NCOR1: variants seen among roughly 807,000 people sequenced by gnomAD.
NCOR1 encodes protein phosphatase 1, regulatory subunit 109.
NCOR1 carries 63 observed loss-of-function variants against 288.1 expected under a neutral mutation model. The ratio of observed to expected loss-of-function variants is 0.22; its 90% CI spans 0.18 to 0.27. The LOEUF is 0.27. NCOR1 is among the 10% of genes least tolerant of loss of function. The pLI is 1.00. For synonymous variants in NCOR1, 1,007 were observed against 1,065.9 expected (o/e 0.94, Z 1.08); for missense variants, 2,397 against 3,019.2 (o/e 0.79, Z 4.83).
intron 15 of NCOR1, among the ~76,000 whole-genome samples, chr17:16,122,864 T>C (rs1426598678): frequency 6.6e-6 from 1 of 152,194 alleles, no homozygotes; most frequent in Non-Finnish European, 1.5e-5. Flanking sequence ...CATGAATTCC[T>C]GTGCTAAAGC....
At chr17:16,172,022 T>C (rs1269474539) in intron 3 of NCOR1, 27 bp from the exon 4 acceptor site, 3 of 1,507,130 alleles carry the variant, frequency 2.0e-6, no homozygotes, top group South Asian at 1.3e-5. Context: ...AAATAAACAC[T>C]TGAAAATTTG....
intron 15 of NCOR1, among the ~76,000 whole-genome samples, chr17:16,124,998 A>G (rs1051030797): frequency 5.9e-5 from 9 of 152,258 alleles, no homozygotes; most frequent in Non-Finnish European, 1.2e-4. Context: ...AAGTTCATTA[A>G]GTCAAAAATT....
chr17:16,120,343 C>T (rs2072728514), intron 16 of NCOR1, among the ~76,000 whole-genome samples: 1 of 152,146 alleles, frequency 6.6e-6, no homozygotes. Context: ...AAGTTCCCCA[C>T]TTCATAATCA....
At chr17:16,197,986 T>C (rs891033062) in intron 1 of NCOR1, among the ~76,000 whole-genome samples, 15 of 152,116 alleles carry the variant, frequency 9.9e-5, no homozygotes, top group African/African-American at 3.6e-4. Flanking sequence ...TACACATACA[T>C]ACACTCACAC....
chr17:16,030,284 G>T lies in NCOR1; in HGVS notation c.*2012C>A. On this transcript the variant is annotated 3_prime_UTR_variant, in exon 46 of 46. Transcript: ENST00000268712. ...AATAGGCTGAGGATGAGAAGGGGTT[G>T]GTCTTGCTATCTTGGGTGGCAGAGG... 4.4e-6 allele frequency: 1 copy of T among 225,308 alleles called. No individual in the cohort carries two copies. The highest frequency in any genetic ancestry group is 8.8e-6 in the Non-Finnish European group (1 of 113,298). The allele number at this position is 225,308 out of a possible 1,614,324, so 14.0% of individuals were successfully genotyped here.
At chr17:16,095,736 G>T (rs1480863100) in intron 21 of NCOR1, among the ~76,000 whole-genome samples, 1 of 141,868 alleles carries the variant, frequency 7.0e-6, no homozygotes. Context: ...CAGCCGCCCC[G>T]TCTGGGAGGT....
chr17:16,095,797 G>A (rs1359536198), intron 21 of NCOR1, among the ~76,000 whole-genome samples: 1 of 151,424 alleles, frequency 6.6e-6, no homozygotes, highest in African/African-American at 2.4e-5. Flanking sequence ...GAGCCCCTCT[G>A]CCCGGCCACC....
At chr17:16,054,623 C>T (rs2059707891) in intron 40 of NCOR1, among the ~76,000 whole-genome samples, 1 of 152,084 alleles carries the variant, frequency 6.6e-6, no homozygotes, top group Admixed American at 6.6e-5. Context: ...CTCAATATCA[C>T]TGATCATTAG....
At position 16,030,161 on chromosome 17, in the gene NCOR1, ATGTT is replaced by A. The variant is rs1248632091; in HGVS notation, c.*2131_*2134del. The A allele has an allele frequency of 4.0e-5, 8 of 198,724 alleles. No individual in the cohort carries two copies. The highest frequency in any genetic ancestry group is 7.9e-5 in the East Asian group (1 of 12,632). The allele number at this position is 198,724 out of a possible 1,614,324, so 12.3% of individuals were successfully genotyped here. On this transcript the variant is annotated 3_prime_UTR_variant, in exon 46 of 46. Transcript: ENST00000268712. ...AATAAAGTAAGCTAGAGAAGAGAAAATGTTTGTTAAGATTATAAGGAAGAGAAAA... is the reference window on the plus strand; with the variant it reads ...AATAAAGTAAGCTAGAGAAGAGAAAATGTTAAGATTATAAGGAAGAGAAAA...
At position 16,072,159 on chromosome 17, in the gene NCOR1, C is replaced by A; in HGVS notation, c.3881G>T (p.Gly1294Val). Residue 1294 changes from glycine to valine, a missense_variant, in exon 29 of 46, where the codon GGC becomes GTC. Gly to Val is a moderately radical substitution (Grantham distance 109, BLOSUM62 -3). Transcript: ENST00000268712. ...AGAAAGTTTACCCTGCATTATGGAG[C>A]CAGACAATACAGTCCTTTCTTTGAG... ...SDLKERTVLS[G>V]SIMQGTPRAT... 4 of 1,609,696 alleles carry A rather than the reference C, an allele frequency of 2.5e-6. No homozygotes were observed. The highest frequency in any genetic ancestry group is 3.4e-6 in the Non-Finnish European group (4 of 1,177,638).
At chr17:16,048,767 A>G in intron 41 of NCOR1, 78 bp downstream of exon 41, 1 of 1,403,726 alleles carries the variant, frequency 7.1e-7, no homozygotes, top group South Asian at 1.9e-5. Flanking sequence ...TCTGAGAAAA[A>G]CGGCAACAAC....
chr17:16,139,938 CCTTACA>C (rs1350573541), intron 11 of NCOR1, among the ~76,000 whole-genome samples: 2 of 152,128 alleles, frequency 1.3e-5, no homozygotes, highest in Non-Finnish European at 2.9e-5. Flanking sequence ...ATAGTCAAGT[CCTTACA>C]AAGTCTCTAA....
At chr17:16,082,671 A>T (rs2063575907) in intron 23 of NCOR1, among the ~76,000 whole-genome samples, 1 of 152,106 alleles carries the variant, frequency 6.6e-6, no homozygotes, top group African/African-American at 2.4e-5. Context: ...GTGAGCTAAG[A>T]TCATGCCACT....
intron 15 of NCOR1, among the ~76,000 whole-genome samples, chr17:16,123,095 G>A (rs963089438): frequency 5.9e-5 from 9 of 152,060 alleles, no homozygotes; most frequent in Non-Finnish European, 1.0e-4. Context: ...CTGCTGGAAC[G>A]GCCACCTGGA....
intron 40 of NCOR1, among the ~76,000 whole-genome samples, chr17:16,055,087 TAGTTCAA>T (rs1348081610): frequency 3.9e-5 from 6 of 152,166 alleles, no homozygotes; most frequent in African/African-American, 1.2e-4. Context: ...GAGTGTAAAT[TAGTTCAA>T]CCACTGTGGA....
chr17:16,109,245 T>C (rs917246456), intron 18 of NCOR1, among the ~76,000 whole-genome samples: 3 of 151,884 alleles, frequency 2.0e-5, no homozygotes, highest in Admixed American at 1.3e-4. Flanking sequence ...ATAAAAACAA[T>C]ATATATATAT....
chr17:16,094,236 G>GT (rs943177734), intron 21 of NCOR1, among the ~76,000 whole-genome samples: 3 of 151,950 alleles, frequency 2.0e-5, no homozygotes, highest in African/African-American at 4.8e-5. Context: ...CGGTCCATAC[G>GT]TTTTTTGAAA....
intron 44 of NCOR1, among the ~76,000 whole-genome samples, chr17:16,036,307 C>A (rs1007133512): frequency 1.3e-5 from 2 of 152,176 alleles, no homozygotes; most frequent in African/African-American, 4.8e-5. Context: ...ATTCAGCAAG[C>A]CATTCTGTAA....
chr17:16,108,179 C>CA (rs35417050), intron 19 of NCOR1: 2,316 of 146,904 alleles, frequency 0.016, 33 homozygotes, highest in African/African-American at 0.044. Context: ...AAGCAATTTC[C>CA]AAAAAAAAAA....
Sources: gnomAD v4.1 joint callset for allele counts (sites outside exome capture counted in the v4.1 genomes callset) on GRCh38, gnomAD v4.1.1 for gene constraint, MANE v1.5 for transcripts, NCBI Gene and HGNC (gene_info 2026-07-23, HGNC 2026-07-21) for gene names.